BMX: variants seen among roughly 807,000 people sequenced by gnomAD.
The protein encoded by BMX is cytoplasmic tyrosine-protein kinase BMX.
Under a neutral mutation model 59.2 loss-of-function variants are expected in BMX, and 31 were observed. The ratio of observed to expected loss-of-function variants is 0.52; its 90% CI spans 0.39 to 0.71. BMX has a LOEUF of 0.71. Among genes scored for constraint, BMX ranks in the 30% least tolerant of loss-of-function variants. The probability of loss-of-function intolerance (pLI) is 0.00; values close to 1 mark genes in which losing one functional copy is unlikely to be tolerated. For synonymous variants in BMX, 185 were observed against 181.0 expected, an observed-to-expected ratio of 1.02 and a Z score of -0.18; for missense variants, 474 against 491.7, an observed-to-expected ratio of 0.96 and a Z score of 0.34.
At chrX:15,525,163 A>T (rs186353638) in intron 7 of BMX, 125 bp from the exon 8 acceptor site, 807 of 648,398 alleles carry the variant, frequency 1.2e-3, no homozygotes, top group Middle Eastern at 1.6e-3. Context: ...TTTCCCAAAC[A>T]AGTGAAATGT....
At chrX:15,548,151 C>T (rs1240317006) in intron 17 of BMX, among the ~76,000 whole-genome samples, 1 of 111,840 alleles carries the variant, frequency 8.9e-6, no homozygotes. Flanking sequence ...AACTTTTGTA[C>T]CTTGTTGTCA....
In BMX at chrX:15,527,609, G is replaced by A. The variant is rs759780170; in HGVS notation, c.884+1514G>A. On this transcript the variant is annotated intron_variant, in intron 9 of 18. Coordinates refer to ENST00000348343, the MANE Select transcript of BMX (RefSeq NM_203281.3). ...GAATTCACTTGAACACTAGGATTAT[G>A]CATATTTCCAGTTCTGTTTTTGTAC... Among the ~76,000 whole-genome samples, 7 of 111,700 alleles carry A rather than the reference G, an allele frequency of 6.3e-5. No individual in the cohort carries two copies. In the East Asian group the frequency reaches 2.0e-3, roughly 31 times the overall value.
chrX:15,549,276 A>G (rs1327800877), intron 17 of BMX, among the ~76,000 whole-genome samples: 2 of 111,971 alleles, frequency 1.8e-5, no homozygotes. Flanking sequence ...CTTTCATCAG[A>G]TTCCCAAAAG....
At position 15,526,039 on chromosome X, in the gene BMX, A is replaced by G. The variant is rs1212787758; in HGVS notation, c.831-3A>G. 1.7e-6 allele frequency: 2 copies of G among 1,206,339 alleles called. No individual in the cohort carries two copies. The highest frequency in any genetic ancestry group is 1.8e-5 in the South Asian group (1 of 55,862). ...ACTCACGTTTTTCTCAACTCTTCTT[A>G]AGGGAATTCCCTGAGTCAAGTTCAT... On this transcript the variant is annotated splice_region_variant and splice_polypyrimidine_tract_variant and intron_variant, in intron 8 of 18. Transcript: ENST00000348343.
At chrX:15,508,154 A>G (rs766070528) in intron 1 of BMX, among the ~76,000 whole-genome samples, 191 bp from the exon 2 acceptor site, 8 of 111,899 alleles carry the variant, frequency 7.1e-5, no homozygotes, top group Non-Finnish European at 1.3e-4. Context: ...TATTTATAAA[A>G]CCCAAAGCAA....
At position 15,548,456 on chromosome X, in the gene BMX, T is replaced by TA. The variant is rs756272595; in HGVS notation, c.1796-1372dup. ...TTGGCGACACAGCAAGAGGCTGTCTTAAAAAAAAAAAATTAGTTTTGATAA... is the reference window on the plus strand; with the variant it reads ...TTGGCGACACAGCAAGAGGCTGTCTTAAAAAAAAAAAAATTAGTTTTGATAA... On this transcript the variant is annotated intron_variant, in intron 17 of 18. Transcript: ENST00000348343. 8.0e-3 allele frequency among the ~76,000 whole-genome samples: 842 copies of TA among 105,337 alleles called. 6 individuals are homozygous for TA. Among genetic ancestry groups the TA allele is most frequent in the Admixed American group, 0.015 (151 of 9,841 alleles). The allele number at this position is 105,337 out of a possible 115,157, so 91.5% of individuals were successfully genotyped here.
chrX:15,543,248 T>C (rs1026212894), intron 16 of BMX, 113 bp downstream of exon 16: 20 of 671,866 alleles, frequency 3.0e-5, no homozygotes, highest in Non-Finnish European at 4.3e-5. Context: ...ATTGGGGGCT[T>C]AGAAACCTAA....
chrX:15,540,580 A>T (rs113521523), intron 14 of BMX, among the ~76,000 whole-genome samples: 1,929 of 111,404 alleles, frequency 0.017, 44 homozygotes, highest in African/African-American at 0.058. Flanking sequence ...ATAAAAAAAA[A>T]AATAAAATTT....
At chrX:15,517,293 G>A (rs750526559) in intron 5 of BMX, among the ~76,000 whole-genome samples, 7 of 111,931 alleles carry the variant, frequency 6.3e-5, no homozygotes, top group South Asian at 3.7e-4. Context: ...ATGGGTCTTC[G>A]CTCCACTGTA....
At chrX:15,551,250 A>G (rs1364733096) in intron 18 of BMX, among the ~76,000 whole-genome samples, 3 of 111,715 alleles carry the variant, frequency 2.7e-5, no homozygotes, top group Non-Finnish European at 5.6e-5. Context: ...CAAAGGGCCT[A>G]ATGCTGCATT....
At chrX:15,517,835 C>A in intron 5 of BMX, 94 bp from the exon 6 acceptor site, 1 of 770,366 alleles carries the variant, frequency 1.3e-6, no homozygotes, top group Non-Finnish European at 1.9e-6. Context: ...GTATTGCTCA[C>A]ACAAGCTGGT....
chrX:15,537,335 G>T (rs1314230828), intron 14 of BMX, 30 bp downstream of exon 14: 3 of 1,205,579 alleles, frequency 2.5e-6, no homozygotes, highest in Non-Finnish European at 3.4e-6. Flanking sequence ...TGGCTGTTTA[G>T]CCCTCATCAT....
chrX:15,524,122 C>A (rs1174574905), intron 7 of BMX, among the ~76,000 whole-genome samples: 1 of 112,072 alleles, frequency 8.9e-6, no homozygotes, highest in African/African-American at 3.2e-5. Flanking sequence ...GTAAGATAAT[C>A]TATGCCCCCA....
At chrX:15,537,083 C>A (rs750074912) in intron 13 of BMX, 51 bp from the exon 14 acceptor site, 1 of 1,178,412 alleles carries the variant, frequency 8.5e-7, no homozygotes. Context: ...AAGCTGTTAG[C>A]CCCAAAGCTT....
chrX:15,514,688 T>G lies in BMX; in HGVS notation c.326-1424T>G, dbSNP rs781382017. Among the ~76,000 whole-genome samples the G allele has an allele frequency of 4.5e-5, 5 of 112,310 alleles. No homozygotes were observed. In the East Asian group the frequency reaches 1.4e-3, roughly 31 times the overall value. The stretch of plus-strand genomic sequence containing the variant: ...AATTTGTTATAGATTACAGTTTCAT[T>G]TATTTGAATTATACATTGCCCTATT... On this transcript the variant is annotated intron_variant, in intron 4 of 18. Coordinates refer to ENST00000348343, the MANE Select transcript of BMX (RefSeq NM_203281.3).
chrX:15,503,010 A>C (rs1923622976), intron 1 of BMX, among the ~76,000 whole-genome samples: 1 of 111,639 alleles, frequency 9.0e-6, no homozygotes, highest in Admixed American at 9.5e-5. Flanking sequence ...GCTATATGGC[A>C]TGTAAAGTAA....
At chrX:15,507,708 T>G (rs1923792861) in intron 1 of BMX, among the ~76,000 whole-genome samples, 1 of 112,349 alleles carries the variant, frequency 8.9e-6, no homozygotes, top group Non-Finnish European at 1.9e-5. Flanking sequence ...AATGTACTCA[T>G]TTTTTCAGTT....
chrX:15,546,924 A>G lies in BMX; in HGVS notation c.1795+3A>G, dbSNP rs769313248. On this transcript the variant is annotated splice_donor_region_variant and intron_variant, in intron 17 of 18. Coordinates refer to ENST00000348343, the MANE Select transcript of BMX (RefSeq NM_203281.3). The stretch of plus-strand genomic sequence containing the variant: ...CAAGTCAGACGTATGGGCATTTGGT[A>G]AGGATGTGGCCACATACGACCTGGC... The G allele has an allele frequency of 1.0e-5, 12 of 1,192,229 alleles. No individual in the cohort carries two copies. The highest frequency in any genetic ancestry group is 3.5e-5 in the African/African-American group (2 of 56,843).
intron 11 of BMX, 38 bp from the exon 12 acceptor site, chrX:15,534,174 G>T: frequency 1.8e-6 from 2 of 1,085,623 alleles, no homozygotes; most frequent in Non-Finnish European, 2.4e-6. Context: ...AAGCTTTATT[G>T]TTTATTTTAA....
Sources: allele counts gnomAD v4.1 joint callset (sites outside exome capture counted in the v4.1 genomes callset), GRCh38; gene constraint gnomAD v4.1.1; transcripts MANE v1.5; gene names NCBI Gene and HGNC (gene_info 2026-07-23, HGNC 2026-07-21).